FRYL: variants seen among roughly 807,000 people sequenced by gnomAD.
FRYL encodes protein furry homolog-like.
In FRYL, 150 loss-of-function variants were observed where a neutral mutation model predicts 351.2. The ratio of observed to expected loss-of-function variants is 0.43; its 90% confidence interval spans 0.37 to 0.49. The LOEUF is 0.49. FRYL is among the 20% of genes least tolerant of loss of function. FRYL has a pLI of 0.00. For missense variants in FRYL, 3,036 were observed against 3,619.3 expected, an observed-to-expected ratio of 0.84 and a Z score of 4.13; for synonymous variants, 1,153 against 1,257.1, an observed-to-expected ratio of 0.92 and a Z score of 1.75.
At chr4:48,501,472 C>A (rs941320458) in intron 62 of FRYL, 151 bp downstream of exon 62, 5 of 615,360 alleles carry the variant, frequency 8.1e-6, no homozygotes, top group Non-Finnish European at 1.4e-5. Flanking sequence ...CCTGACATAG[C>A]ACATCATTAA....
intron 28 of FRYL, among the ~76,000 whole-genome samples, chr4:48,566,481 T>C (rs1736814606): frequency 6.6e-6 from 1 of 152,128 alleles, no homozygotes; most frequent in Admixed American, 6.5e-5. Flanking sequence ...TCAGAAAATT[T>C]CGAAAAAAAT....
chr4:48,687,004 A>C (rs1000838863), intron 2 of FRYL, among the ~76,000 whole-genome samples: 9 of 152,054 alleles, frequency 5.9e-5, no homozygotes, highest in African/African-American at 1.9e-4. Context: ...GGTTATAATC[A>C]CTTTTAGCAG....
intron 3 of FRYL, among the ~76,000 whole-genome samples, chr4:48,675,725 G>A (rs560418974): frequency 9.9e-5 from 15 of 152,214 alleles, no homozygotes; most frequent in African/African-American, 3.4e-4. Flanking sequence ...TGAGGAGTGC[G>A]AGTGCACAGC....
rs778779160 is a variant in FRYL, at chr4:48,512,669, C to T, written c.7957G>A (p.Asp2653Asn). The change falls in exon 57 of 64, where the codon GAT becomes AAT. Residue 2653 changes from aspartate (D) to asparagine (N), a missense_variant. Around this residue, in one of 7 missense-constraint regions of FRYL, gnomAD observed 1,987 missense variants for 2,311.7 expected, o/e 0.86. Transcript: ENST00000358350. ...GLSSQDEEEQ[D>N]GFPEVQTSPL... ...GACGTCTGTACTTCTGGAAAACCAT[C>T]TTGCTCTTCTTCATCTTGACTATTA... is the stretch of plus-strand genomic sequence containing the variant. The T allele has an allele frequency of 2.0e-5, 32 of 1,613,362 alleles. No individual in the cohort carries two copies. Among genetic ancestry groups the T allele is most frequent in the African/African-American group, 2.7e-5 (2 of 74,888 alleles).
chr4:48,766,276 T>C (rs910120083), intron 1 of FRYL, among the ~76,000 whole-genome samples: 1 of 152,180 alleles, frequency 6.6e-6, no homozygotes, highest in African/African-American at 2.4e-5. Flanking sequence ...CTCTGTTCCC[T>C]GAGAAGCTGC....
intron 3 of FRYL, among the ~76,000 whole-genome samples, chr4:48,677,792 A>C (rs1763962971): frequency 6.6e-6 from 1 of 152,232 alleles, no homozygotes; most frequent in African/African-American, 2.4e-5. Flanking sequence ...TTGAGATTAC[A>C]TGCCATTTTT....
intron 27 of FRYL, 111 bp downstream of exon 27, chr4:48,570,716 G>T: frequency 1.4e-6 from 1 of 724,816 alleles, no homozygotes. Context: ...GATACATACA[G>T]GTTTTCTTGT....
intron 17 of FRYL, among the ~76,000 whole-genome samples, chr4:48,590,313 AT>A (rs1366490958): frequency 6.6e-6 from 1 of 151,930 alleles, no homozygotes; most frequent in Non-Finnish European, 1.5e-5. Context: ...GCAAAACCCC[AT>A]CTCTACTAAA....
In FRYL at chr4:48,698,014, C is replaced by T. The variant is rs540515894; in HGVS notation, c.-204+12505G>A. On this transcript the variant is annotated intron_variant, in intron 2 of 63. Coordinates refer to ENST00000358350, the MANE Select transcript of FRYL (RefSeq NM_015030.2). ...CATTTAACATTTACTGGGGATCAAC[C>T]TAAGCTCCAGGAATCTATACTCAGT... Among the ~76,000 whole-genome samples the T allele has an allele frequency of 1.0e-3, 157 of 152,254 alleles. 1 individual carries two copies. The highest frequency in any genetic ancestry group is 3.7e-3 in the African/African-American group (152 of 41,550).
intron 33 of FRYL, among the ~76,000 whole-genome samples, chr4:48,558,913 T>C (rs1734760728): frequency 6.6e-6 from 1 of 152,188 alleles, no homozygotes. Flanking sequence ...TCTTTCTCCT[T>C]TGCTCCTCTC....
intron 3 of FRYL, among the ~76,000 whole-genome samples, chr4:48,665,601 A>G (rs1253941659): frequency 1.3e-5 from 2 of 152,242 alleles, no homozygotes; most frequent in Non-Finnish European, 2.9e-5. Flanking sequence ...CTGACAATAC[A>G]GGTTATACAG....
In FRYL at chr4:48,565,808, A is replaced by G. The variant is rs1736647743; in HGVS notation, c.3170-117T>C. Reference sequence around the variant, plus strand: ...AAAAGAAAGCAGAAGTTTTCATTTTAAACTATCAAAAACCTCCGCGGTAGC... The same window carrying G: ...AAAAGAAAGCAGAAGTTTTCATTTTGAACTATCAAAAACCTCCGCGGTAGC... On this transcript the variant is annotated intron_variant, in intron 28 of 63. Coordinates refer to ENST00000358350, the MANE Select transcript of FRYL (RefSeq NM_015030.2). The G allele has an allele frequency of 3.1e-6, 3 of 974,214 alleles. No homozygotes were observed. The African/African-American group carries it at 5.0e-5, about 16-fold the overall frequency. The allele number at this position is 974,214 out of a possible 1,614,324, so 60.3% of individuals were successfully genotyped here.
intron 3 of FRYL, among the ~76,000 whole-genome samples, chr4:48,639,628 CT>C (rs1275642132): frequency 1.3e-5 from 2 of 151,922 alleles, no homozygotes; most frequent in Non-Finnish European, 2.9e-5. Context: ...TGGAGGGTGA[CT>C]TTTTAGATAA....
At chr4:48,771,088 T>C (rs1353482909) in intron 1 of FRYL, among the ~76,000 whole-genome samples, 1 of 152,228 alleles carries the variant, frequency 6.6e-6, no homozygotes. Context: ...GAAATTCTAC[T>C]GTATCATTCC....
chr4:48,540,145 T>C, intron 46 of FRYL, 77 bp from the exon 47 acceptor site: 2 of 1,251,266 alleles, frequency 1.6e-6, no homozygotes, highest in Non-Finnish European at 1.1e-6. Flanking sequence ...TTTTTTTAGA[T>C]GGTTCACAGA....
intron 1 of FRYL, among the ~76,000 whole-genome samples, chr4:48,739,300 C>T (rs1458884221): frequency 6.7e-6 from 1 of 150,264 alleles, no homozygotes; most frequent in East Asian, 2.0e-4. Context: ...ACTCAGGAGG[C>T]TGAGAAAGGA....
intron 34 of FRYL, 107 bp downstream of exon 34, chr4:48,557,341 AAAGAT>A: frequency 7.2e-7 from 1 of 1,396,798 alleles, no homozygotes; most frequent in Non-Finnish European, 9.7e-7. Flanking sequence ...TTTTTTAAAG[AAAGAT>A]ATTTGTTTGG....
intron 54 of FRYL, among the ~76,000 whole-genome samples, chr4:48,521,880 A>G (rs902117583): frequency 1.3e-5 from 2 of 152,208 alleles, no homozygotes; most frequent in African/African-American, 4.8e-5. Context: ...GACACCAACC[A>G]CAAACCGACA....
At chr4:48,696,958 A>G (rs944921953) in intron 2 of FRYL, among the ~76,000 whole-genome samples, 5 of 152,002 alleles carry the variant, frequency 3.3e-5, no homozygotes, top group Non-Finnish European at 7.4e-5. Context: ...GGCTCAAACA[A>G]TCTCTGCTTT....
Sources: allele counts gnomAD v4.1 joint callset (sites outside exome capture counted in the v4.1 genomes callset), GRCh38; gene constraint gnomAD v4.1.1; regional missense constraint gnomAD v4.1.1; transcripts MANE v1.5; gene names NCBI Gene and HGNC (gene_info 2026-07-23, HGNC 2026-07-21).